The following HECW1 variants were observed in gnomAD, a reference collection of about 807,000 sequenced individuals.
HECW1 encodes the protein HECT, C2 and WW domain containing E3 ubiquitin protein ligase 1.
A neutral mutation model predicts 182.3 loss-of-function variants in HECW1; 61 were observed. The ratio of observed to expected loss-of-function variants is 0.33; its 90% CI spans 0.27 to 0.41. The LOEUF is 0.41. Among genes scored for constraint, HECW1 ranks in the 10% least tolerant of loss-of-function variants. HECW1 has a pLI of 1.00. For missense variants in HECW1, 1,739 were observed against 2,108.9 expected, an observed-to-expected ratio of 0.82 and a Z score of 3.44; for synonymous variants, 859 against 832.6, an observed-to-expected ratio of 1.03 and a Z score of -0.55.
At chr7:43,252,916 A>C (rs1800188466) in intron 3 of HECW1, among the ~76,000 whole-genome samples, 2 of 152,250 alleles carry the variant, frequency 1.3e-5, no homozygotes, top group African/African-American at 4.8e-5. Flanking sequence ...CGAACAAGAC[A>C]AAAGTGGTTA....
chr7:43,500,552 A>G (rs1157351070), intron 19 of HECW1, 147 bp from the exon 20 acceptor site: 6 of 661,654 alleles, frequency 9.1e-6, no homozygotes, highest in Non-Finnish European at 1.6e-5. Context: ...AGCCTGTGAT[A>G]CAAACTTAGA....
At chr7:43,116,038 T>TA (rs1415561868) in intron 2 of HECW1, among the ~76,000 whole-genome samples, 1 of 152,180 alleles carries the variant, frequency 6.6e-6, no homozygotes, top group Non-Finnish European at 1.5e-5. Flanking sequence ...AAATGCCCTC[T>TA]AATTGTATAG....
At chr7:43,272,590 T>A (rs1396707662) in intron 3 of HECW1, among the ~76,000 whole-genome samples, 3 of 152,126 alleles carry the variant, frequency 2.0e-5, no homozygotes. Flanking sequence ...GTGTCACTAA[T>A]CATCAGAGAA....
At chr7:43,473,061 A>G (rs1364489105) in intron 16 of HECW1, among the ~76,000 whole-genome samples, 3 of 152,218 alleles carry the variant, frequency 2.0e-5, no homozygotes, top group Non-Finnish European at 4.4e-5. Flanking sequence ...TCCCTCAGGA[A>G]GAACTGGTGC....
intron 8 of HECW1, among the ~76,000 whole-genome samples, chr7:43,426,377 A>C (rs970368087): frequency 1.3e-5 from 2 of 152,234 alleles, no homozygotes; most frequent in African/African-American, 4.8e-5. Flanking sequence ...TAAAAGGTGA[A>C]TGTCAAAAGT....
chr7:43,509,519 T>A lies in HECW1; in HGVS notation c.4019+398T>A, dbSNP rs11763891. The A allele has an allele frequency of 1.8e-4, 28 of 156,636 alleles. No individual in the cohort carries two copies. In the East Asian group the frequency reaches 4.5e-3, roughly 25 times the overall value. 9.7% of individuals were successfully genotyped at this position (156,636 alleles called of 1,614,324 possible). A position where few individuals can be genotyped will look rare whatever the true frequency, so the allele number is the denominator to read the frequency against. On this transcript the variant is annotated intron_variant, in intron 24 of 29. Transcript: ENST00000395891. The stretch of plus-strand genomic sequence containing the variant: ...CTTTAGCACTGTGGACACTGGCTTC[T>A]GCATCTTACTGTAAAATATGGCTAT...
intron 2 of HECW1, among the ~76,000 whole-genome samples, chr7:43,222,952 A>G (rs1797112360): frequency 6.6e-6 from 1 of 152,182 alleles, no homozygotes; most frequent in Non-Finnish European, 1.5e-5. Context: ...CTTGAATGCC[A>G]GACTTGTTTT....
intron 6 of HECW1, among the ~76,000 whole-genome samples, chr7:43,384,816 T>C (rs1735829670): frequency 1.3e-5 from 2 of 152,190 alleles, no homozygotes; most frequent in South Asian, 4.1e-4. Context: ...AGCCCTTGTC[T>C]TCACTAAGCA....
intron 12 of HECW1, among the ~76,000 whole-genome samples, chr7:43,453,616 A>T (rs1294352487): frequency 6.6e-6 from 1 of 152,252 alleles, no homozygotes; most frequent in African/African-American, 2.4e-5. Context: ...CAAAATACAC[A>T]GTTGTATAGG....
intron 4 of HECW1, among the ~76,000 whole-genome samples, chr7:43,319,503 T>C (rs1809789236): frequency 6.9e-6 from 1 of 144,286 alleles, no homozygotes; most frequent in African/African-American, 2.6e-5. Context: ...CCTCGTCTCC[T>C]CCCTCAGTGC....
intron 2 of HECW1, among the ~76,000 whole-genome samples, chr7:43,140,263 C>G (rs1176787841): frequency 6.6e-6 from 1 of 152,032 alleles, no homozygotes; most frequent in Non-Finnish European, 1.5e-5. Flanking sequence ...CATCTTTATA[C>G]AGTACATGAA....
intron 5 of HECW1, among the ~76,000 whole-genome samples, chr7:43,333,562 A>G (rs1004042949): frequency 3.3e-5 from 5 of 152,232 alleles, no homozygotes; most frequent in African/African-American, 9.6e-5. Flanking sequence ...AGAGTGTTTT[A>G]TTGCTAGTAG....
chr7:43,401,174 T>C (rs1387517307), intron 7 of HECW1, among the ~76,000 whole-genome samples: 1 of 152,182 alleles, frequency 6.6e-6, no homozygotes, highest in Non-Finnish European at 1.5e-5. Context: ...CATTATTCTG[T>C]CTACCGCAGT....
intron 2 of HECW1, among the ~76,000 whole-genome samples, chr7:43,136,061 T>C (rs1202912547): frequency 1.3e-5 from 2 of 151,676 alleles, no homozygotes; most frequent in African/African-American, 4.8e-5. Flanking sequence ...ACTCCCTATC[T>C]GTATTCAACT....
chr7:43,337,496 G>A (rs983305348), intron 5 of HECW1, among the ~76,000 whole-genome samples: 1 of 152,172 alleles, frequency 6.6e-6, no homozygotes, highest in Non-Finnish European at 1.5e-5. Flanking sequence ...AAGTGGCCAA[G>A]AGCCCCAAGG....
chr7:43,136,149 C>T (rs938093626), intron 2 of HECW1, among the ~76,000 whole-genome samples: 3 of 152,032 alleles, frequency 2.0e-5, no homozygotes, highest in Non-Finnish European at 2.9e-5. Flanking sequence ...AGAAGAACCT[C>T]GTCCTGTCTC....
At chr7:43,277,906 T>A (rs1360610545) in intron 3 of HECW1, among the ~76,000 whole-genome samples, 1 of 152,158 alleles carries the variant, frequency 6.6e-6, no homozygotes, top group Admixed American at 6.5e-5. Context: ...CAGGAAGTCA[T>A]CATTCCCTGT....
Position 43,160,867 on chromosome 7 carries a change from G to A in HECW1, c.-32+46476G>A, listed in dbSNP as rs150795076. On this transcript the variant is annotated intron_variant, in intron 2 of 29. Coordinates refer to ENST00000395891, the MANE Select transcript of HECW1 (RefSeq NM_015052.5). Reference sequence around the variant, plus strand: ...TTCAGCACTTCTACTGTTCCCGCCCGCTGTGCTGTGCCTTTTACAGTTGTC... The same window carrying A: ...TTCAGCACTTCTACTGTTCCCGCCCACTGTGCTGTGCCTTTTACAGTTGTC... 4.5e-4 allele frequency among the ~76,000 whole-genome samples: 68 copies of A among 152,020 alleles called. 1 individual carries two copies. In the East Asian group the frequency reaches 0.013, roughly 28 times the overall value.
chr7:43,524,084 G>C (rs1473388549), intron 24 of HECW1, among the ~76,000 whole-genome samples: 1 of 152,118 alleles, frequency 6.6e-6, no homozygotes, highest in Non-Finnish European at 1.5e-5. Context: ...TTTAAATGCA[G>C]ATTTCCATAA....
Sources: gnomAD v4.1 joint callset for allele counts (sites outside exome capture counted in the v4.1 genomes callset) on GRCh38, gnomAD v4.1.1 for gene constraint, MANE v1.5 for transcripts, NCBI Gene and HGNC (gene_info 2026-07-23, HGNC 2026-07-21) for gene names.